FMN2: variants seen among roughly 807,000 people sequenced by gnomAD.
FMN2 encodes the protein formin-2.
Under a neutral mutation model 142.3 loss-of-function variants are expected in FMN2, and 51 were observed. The observed-to-expected ratio is 0.36, with a 90% CI of 0.29 to 0.45. FMN2 has a LOEUF of 0.45. Ranked by LOEUF, FMN2 falls within the 20% of genes least tolerant of loss-of-function variation. FMN2 has a pLI of 1.00. For missense variants in FMN2, 1,936 were observed against 2,122.8 expected (o/e 0.91, Z 1.73); for synonymous variants, 882 against 869.8 (o/e 1.01, Z -0.25).
At chr1:240,408,147 G>A (rs955212186) in intron 15 of FMN2, among the ~76,000 whole-genome samples, 2 of 152,230 alleles carry the variant, frequency 1.3e-5, no homozygotes, top group South Asian at 4.1e-4. Context: ...TCTTGACATT[G>A]TTAGCAATGA....
intron 6 of FMN2, 61 bp from the exon 7 acceptor site, chr1:240,257,884 G>T (rs1668499909): frequency 7.4e-7 from 1 of 1,344,394 alleles, no homozygotes; most frequent in Admixed American, 1.8e-5. Context: ...TTTTTAAAAT[G>T]CTAGTAAGCA....
chr1:240,092,190 G>A lies in FMN2; in HGVS notation c.81G>A (p.Leu27=). The A allele has an allele frequency of 6.3e-7, 1 of 1,582,412 alleles. No homozygotes were observed. The highest frequency in any genetic ancestry group is 8.6e-7 in the Non-Finnish European group (1 of 1,165,352). Residue 27 remains leucine (L), a synonymous_variant, in exon 1 of 18, where the codon CTG becomes CTA. Coordinates refer to ENST00000319653, the MANE Select transcript of FMN2 (RefSeq NM_020066.5). ...HEGGGGAEDA[L]GPRDVEATKK... ...GCGGCGGTGGCGCCGAGGATGCGCT[G>A]GGGCCCAGGGATGTGGAAGCCACAA...
chr1:240,256,792 G>A (rs1668464834), intron 6 of FMN2, among the ~76,000 whole-genome samples: 1 of 152,016 alleles, frequency 6.6e-6, no homozygotes, highest in South Asian at 2.1e-4. Flanking sequence ...AGATCAGAGT[G>A]GTTTTCGTGG....
intron 8 of FMN2, among the ~76,000 whole-genome samples, chr1:240,304,704 A>C (rs1052381034): frequency 4.6e-5 from 7 of 152,218 alleles, no homozygotes; most frequent in African/African-American, 1.7e-4. Flanking sequence ...CAGAAGCAGT[A>C]ATCAGGGATC....
chr1:240,139,117 G>A (rs557247411), intron 2 of FMN2, among the ~76,000 whole-genome samples: 75 of 152,276 alleles, frequency 4.9e-4, no homozygotes, highest in African/African-American at 1.6e-3. Context: ...GCCGGTCGGG[G>A]ACCACACTTT....
At chr1:240,408,643 G>T (rs926607111) in intron 15 of FMN2, among the ~76,000 whole-genome samples, 5 of 151,984 alleles carry the variant, frequency 3.3e-5, no homozygotes, top group Non-Finnish European at 5.9e-5. Flanking sequence ...TAGGTACTTT[G>T]TAGTCATTTA....
chr1:240,177,318 T>C (rs1664958007), intron 2 of FMN2, among the ~76,000 whole-genome samples: 1 of 152,064 alleles, frequency 6.6e-6, no homozygotes, highest in Non-Finnish European at 1.5e-5. Context: ...TGTTGGTCTG[T>C]AGCTGGCGAG....
intron 6 of FMN2, among the ~76,000 whole-genome samples, chr1:240,211,850 T>C (rs573643621): frequency 6.6e-6 from 1 of 152,348 alleles, no homozygotes; most frequent in East Asian, 1.9e-4. Flanking sequence ...TTTTTTCTAC[T>C]GATATATCCA....
At chr1:240,450,090 A>G (rs2103206442) in intron 16 of FMN2, among the ~76,000 whole-genome samples, 1 of 152,250 alleles carries the variant, frequency 6.6e-6, no homozygotes, top group East Asian at 1.9e-4. Flanking sequence ...ATAATGTCAC[A>G]TCAAAATTAA....
chr1:240,287,834 T>C lies in FMN2; in HGVS notation c.4154-6988T>C, dbSNP rs189628740. 1.7e-3 allele frequency among the ~76,000 whole-genome samples: 261 copies of C among 152,318 alleles called. 2 individuals are homozygous for C. The highest frequency in any genetic ancestry group is 2.6e-3 in the Non-Finnish European group (180 of 68,016). On this transcript the variant is annotated intron_variant, in intron 7 of 17. Coordinates refer to ENST00000319653, the MANE Select transcript of FMN2 (RefSeq NM_020066.5). ...TCTGTAGGGCAGGTCCTCTTCTTAT[T>C]AGGTCCATTCTGCAGATGAGGAACT...
At chr1:240,315,835 T>G (rs1284717544) in intron 8 of FMN2, among the ~76,000 whole-genome samples, 2 of 152,242 alleles carry the variant, frequency 1.3e-5, no homozygotes, top group African/African-American at 4.8e-5. Context: ...AAGTAGTATA[T>G]AGACCACCCA....
At chr1:240,286,065 G>T (rs11805911) in intron 7 of FMN2, among the ~76,000 whole-genome samples, 49,081 of 151,818 alleles carry the variant, frequency 0.32, 9,793 homozygotes, top group African/African-American at 0.57. Flanking sequence ...TTTCGGTGTG[G>T]GTTTTTTGTC....
At chr1:240,397,998 C>T (rs921291362) in intron 15 of FMN2, among the ~76,000 whole-genome samples, 149 of 140,844 alleles carry the variant, frequency 1.1e-3, no homozygotes, top group African/African-American at 3.7e-3. Context: ...TAGGCAAGAT[C>T]TTTTTTTTTT....
At chr1:240,176,475 A>G (rs926928515) in intron 2 of FMN2, among the ~76,000 whole-genome samples, 1 of 152,156 alleles carries the variant, frequency 6.6e-6, no homozygotes, top group Non-Finnish European at 1.5e-5. Flanking sequence ...AGGCAAAGAG[A>G]CATCCTCCTA....
rs1666457710 is a variant in FMN2 at position 240,207,722 on chromosome 1, TC to T, written c.2913del (p.Gly972GlufsTer303). The T allele has an allele frequency of 7.5e-7, 1 of 1,336,520 alleles. No homozygotes were observed. Among genetic ancestry groups the T allele is most frequent in the Non-Finnish European group, 1.0e-6 (1 of 990,824 alleles). 82.8% of individuals were successfully genotyped at this position (1,336,520 alleles called of 1,614,324 possible). On this transcript the variant is annotated frameshift_variant, in exon 5 of 18. Transcript: ENST00000319653. LOFTEE classifies it high-confidence loss of function. The part of the protein sequence containing the change: ...GAGIPLPPPL[P>X]GAGIPPPPPL... ...CAGGCATACCCCTTCCTCCCCCTCT[TC>T]CCGGAGCAGGAATACCTCCTCCACC...
At chr1:240,363,479 G>A (rs540265255) in intron 14 of FMN2, among the ~76,000 whole-genome samples, 5 of 152,168 alleles carry the variant, frequency 3.3e-5, no homozygotes, top group East Asian at 1.9e-4. Flanking sequence ...ATGGGACTTC[G>A]TCCAAGCCCT....
rs931453067 is a variant in FMN2, at chr1:240,093,230, C to T, written c.1121C>T (p.Ala374Val). 13 of 1,538,540 alleles carry T rather than the reference C, an allele frequency of 8.4e-6. No individual in the cohort carries two copies. Among genetic ancestry groups the T allele is most frequent in the South Asian group, 1.2e-5 (1 of 80,274 alleles). ...TGGGCCCCGGAGGTGGGAGAGGACG[C>T]CCCGCAGAGGCTGGGGGAAGAGCCG... ...EEWAPEVGED[A>V]PQRLGEEPEE... Residue 374 changes from alanine (A) to valine (V), a missense_variant, in exon 1 of 18, where the codon GCC (alanine) becomes GTC (valine). By Grantham distance (64) the Ala-to-Val change is moderately conservative. This residue lies in a region of FMN2 where 751 missense variants were observed against 791.8 expected (regional missense o/e 0.95). Coordinates refer to ENST00000319653, the MANE Select transcript of FMN2 (RefSeq NM_020066.5).
At position 240,208,433 on chromosome 1, in the gene FMN2, C is replaced by T. The variant is rs779484935; in HGVS notation, c.3621C>T (p.Pro1207=). 5 of 1,601,218 alleles carry T rather than the reference C, an allele frequency of 3.1e-6. No homozygotes were observed. The East Asian group carries it at 6.7e-5, about 22-fold the overall frequency. ...CCCCTCTACCTGGTGCTGGGATTCC[C>T]CCACCTCCTCCCTTGCCAGGTATGG... The part of the protein sequence containing the change: ...PPPPLPGAGI[P]PPPPLPGMGI... The change falls in exon 5 of 18, where the codon CCC becomes CCT. Residue 1207 remains proline (P), a synonymous_variant. Coordinates refer to ENST00000319653, the MANE Select transcript of FMN2 (RefSeq NM_020066.5).
chr1:240,297,856 C>A (rs912168722), intron 8 of FMN2, among the ~76,000 whole-genome samples: 1 of 152,112 alleles, frequency 6.6e-6, no homozygotes, highest in Non-Finnish European at 1.5e-5. Flanking sequence ...AAGGCACTGG[C>A]AGATTTGGGA....
Sources: gnomAD v4.1 joint callset for allele counts (sites outside exome capture counted in the v4.1 genomes callset) on GRCh38, gnomAD v4.1.1 for gene constraint, gnomAD v4.1.1 regional missense constraint, MANE v1.5 for transcripts, NCBI Gene and HGNC (gene_info 2026-07-23, HGNC 2026-07-21) for gene names.